The following ACACB variants were observed in gnomAD, a reference collection of about 807,000 sequenced individuals.
ACACB encodes acetyl-CoA carboxylase 2.
A neutral mutation model predicts 278.8 loss-of-function variants in ACACB; 209 were observed. That is an observed-to-expected ratio of 0.75 (90% CI 0.67 to 0.84). The LOEUF (loss-of-function observed/expected upper bound fraction) is 0.84, where lower values mean the gene tolerates loss of function less well. Among genes scored for constraint, ACACB ranks in the 40% least tolerant of loss-of-function variants. The probability of loss-of-function intolerance (pLI) is 0.00; values close to 1 mark genes in which losing one functional copy is unlikely to be tolerated. For missense variants in ACACB, 2,850 were observed against 3,269.0 expected (o/e 0.87, Z 3.13); for synonymous variants, 1,174 against 1,285.6 (o/e 0.91, Z 1.86).
chr12:109,139,612 G>A lies in ACACB; in HGVS notation c.207G>A (p.Lys69=). 2 of 1,614,084 alleles carry A rather than the reference G, an allele frequency of 1.2e-6. No individual in the cohort carries two copies. The highest frequency in any genetic ancestry group is 1.1e-5 in the South Asian group (1 of 91,072). Reference sequence around the variant, plus strand: ...ATGGGGAGGGCCACACTCTGCCCAAGACACCCAGCCAGGCCGAGCCAGCCT... The same window carrying A: ...ATGGGGAGGGCCACACTCTGCCCAAAACACCCAGCCAGGCCGAGCCAGCCT... ...QRNGEGHTLP[K]TPSQAEPASH... Residue 69 remains lysine (K), a synonymous_variant, in exon 2 of 53, where the codon AAG becomes AAA. Transcript: ENST00000338432.
chr12:109,209,851 ATATATGTATATACACACATACACACACG>A (rs2045635217), intron 21 of ACACB, among the ~76,000 whole-genome samples: 1 of 141,260 alleles, frequency 7.1e-6, no homozygotes, highest in Non-Finnish European at 1.5e-5. Flanking sequence ...ACACGTGTGT[ATATATGTATATACACACATACACACACG>A]TGTGTATATA....
chr12:109,145,057 G>A (rs1156774362), intron 2 of ACACB, among the ~76,000 whole-genome samples: 5 of 152,086 alleles, frequency 3.3e-5, no homozygotes, highest in African/African-American at 9.7e-5. Context: ...CACTGCGCCC[G>A]GCCCGCTTCA....
At chr12:109,264,493 G>C in intron 50 of ACACB, 107 bp downstream of exon 50, 1 of 1,416,198 alleles carries the variant, frequency 7.1e-7, no homozygotes, top group South Asian at 1.2e-5. Context: ...GTTGGGATGG[G>C]TCAAATGCTG....
chr12:109,222,995 G>T, intron 26 of ACACB, 83 bp downstream of exon 26: 1 of 1,089,464 alleles, frequency 9.2e-7, no homozygotes. Context: ...GGCTCCTCCT[G>T]CCCTCCAGGT....
At chr12:109,237,432 C>T (rs763276988) in intron 34 of ACACB, 52 bp downstream of exon 34, 1 of 1,531,782 alleles carries the variant, frequency 6.5e-7, no homozygotes, top group Non-Finnish European at 8.9e-7. Flanking sequence ...CCCTCCCTTC[C>T]TTACATTCCT....
At chr12:109,150,950 TTTCTTTTTTTCTTTTC>T (rs1476638792) in intron 2 of ACACB, among the ~76,000 whole-genome samples, 1 of 151,500 alleles carries the variant, frequency 6.6e-6, no homozygotes, top group Non-Finnish European at 1.5e-5. Flanking sequence ...TCTTTTTCTT[TTTCTTTTTTTCTTTTC>T]TTTTCTTTTT....
At chr12:109,145,851 A>T (rs2043230766) in intron 2 of ACACB, among the ~76,000 whole-genome samples, 1 of 151,282 alleles carries the variant, frequency 6.6e-6, no homozygotes, top group African/African-American at 2.4e-5. Context: ...AAAAAAAAAA[A>T]TAGAAAAATT....
At chr12:109,212,993 G>A in intron 22 of ACACB, 57 bp downstream of exon 22, 1 of 1,489,138 alleles carries the variant, frequency 6.7e-7, no homozygotes, top group Non-Finnish European at 9.4e-7. Context: ...CGCATGCATT[G>A]CACCAGGGTG....
chr12:109,133,863 ATTTTTTTTTT>A (rs67896522), intron 1 of ACACB, among the ~76,000 whole-genome samples: 10 of 70,654 alleles, frequency 1.4e-4, no homozygotes, highest in African/African-American at 8.9e-4. Flanking sequence ...ATATATATAT[ATTTTTTTTTT>A]TTTTTTTTTC....
intron 34 of ACACB, 144 bp downstream of exon 34, chr12:109,237,524 C>G (rs2046665973): frequency 1.2e-6 from 1 of 868,944 alleles, no homozygotes; most frequent in Non-Finnish European, 1.8e-6. Flanking sequence ...ATGCTCCAGT[C>G]CAGGGCAGGA....
chr12:109,226,886 G>A (rs1243991604), intron 27 of ACACB, among the ~76,000 whole-genome samples: 1 of 151,866 alleles, frequency 6.6e-6, no homozygotes, highest in Non-Finnish European at 1.5e-5. Context: ...GTTTAGAGTG[G>A]ATTTTGTGTA....
At chr12:109,241,396 C>T (rs1343027702) in intron 36 of ACACB, 115 bp downstream of exon 36, 2 of 1,085,996 alleles carry the variant, frequency 1.8e-6, no homozygotes, top group Admixed American at 1.9e-5. Flanking sequence ...TCTCCCATGT[C>T]ATTCTGGGTT....
intron 18 of ACACB, 89 bp from the exon 19 acceptor site, chr12:109,201,478 C>G: frequency 6.7e-7 from 1 of 1,502,224 alleles, no homozygotes; most frequent in East Asian, 2.3e-5. Flanking sequence ...AGTGTCCCGG[C>G]GCGTCCCTGC....
At chr12:109,112,134 TTATATTTTAAAATATAAAATG>T (rs1047006494), upstream of ACACB, among the ~76,000 whole-genome samples, 2 of 148,912 alleles carry the variant, frequency 1.3e-5, no homozygotes, top group Non-Finnish European at 2.9e-5. Context: ...CACAATTATT[TTATATTTTAAAATATAAAATG>T]TATATTTTAA....
At position 109,232,776 on chromosome 12, in the gene ACACB, T is replaced by G. The variant is rs762833132; in HGVS notation, c.4109T>G (p.Val1370Gly). ...CTGTGCCAGCGCATGGGAGCCATGG[T>G]AGCCTTCAGGAGATTCGAGGACTTC... is the stretch of plus-strand genomic sequence containing the variant. ...SPLCQRMGAM[V>G]AFRRFEDFTR... Residue 1370 changes from valine to glycine, a missense_variant, in exon 29 of 53, where the codon GTA becomes GGA. By Grantham distance (109) the Val-to-Gly change is moderately radical (BLOSUM62 -3). This residue lies in a region of ACACB where 2,265 missense variants were observed against 2,561.3 expected (regional missense o/e 0.88). Coordinates refer to ENST00000338432, the MANE Select transcript of ACACB (RefSeq NM_001093.4). 16 of 1,613,966 alleles carry G rather than the reference T, an allele frequency of 9.9e-6. No homozygotes were observed. Among genetic ancestry groups the G allele is most frequent in the African/African-American group, 2.7e-5 (2 of 74,880 alleles).
intron 1 of ACACB, among the ~76,000 whole-genome samples, chr12:109,119,922 T>G (rs1341394281): frequency 1.3e-5 from 2 of 151,834 alleles, no homozygotes; most frequent in African/African-American, 4.8e-5. Context: ...GATTAAAGGA[T>G]TTTCCACCAC....
intron 13 of ACACB, among the ~76,000 whole-genome samples, chr12:109,188,898 G>T (rs1425817747): frequency 6.6e-6 from 1 of 152,168 alleles, no homozygotes; most frequent in Non-Finnish European, 1.5e-5. Context: ...CTTATCAGTA[G>T]TTCCCTAATG....
intron 2 of ACACB, among the ~76,000 whole-genome samples, chr12:109,149,510 G>C (rs915559476): frequency 6.6e-6 from 1 of 152,170 alleles, no homozygotes; most frequent in African/African-American, 2.4e-5. Flanking sequence ...TTTGAGCCCA[G>C]GAGTTTGAGG....
chr12:109,185,587 G>A lies in ACACB; in HGVS notation c.1827G>A (p.Met609Ile). ...NLPAAQLQIAMGVPLHRLKDI... is the reference protein window; with the variant it reads ...NLPAAQLQIAIGVPLHRLKDI... The stretch of plus-strand genomic sequence containing the variant: ...GGATCTCTTGATTTTAGATCGCCAT[G>A]GGCGTGCCACTGCACCGGCTGAAGG... Residue 609 changes from methionine (M) to isoleucine (I), a missense_variant, in exon 12 of 53, where the codon ATG becomes ATA. Physicochemically the swap from Met to Ile is conservative, Grantham distance 10. Transcript: ENST00000338432. 1 of 1,613,806 alleles carries A rather than the reference G, an allele frequency of 6.2e-7. No homozygotes were observed. The highest frequency in any genetic ancestry group is 8.5e-7 in the Non-Finnish European group (1 of 1,180,000).
Sources: gnomAD v4.1 joint callset for allele counts (sites outside exome capture counted in the v4.1 genomes callset) on GRCh38, gnomAD v4.1.1 for gene constraint, gnomAD v4.1.1 regional missense constraint, MANE v1.5 for transcripts, NCBI Gene and HGNC (gene_info 2026-07-23, HGNC 2026-07-21) for gene names.